Variants in TENT5D observed in about 807,000 individuals in gnomAD.
TENT5D encodes the protein terminal nucleotidyltransferase 5D.
For synonymous variants in TENT5D, 103 were observed against 100.6 expected (o/e 1.02, Z -0.15); for missense variants, 191 against 287.0 (o/e 0.67, Z 2.42).
intron 3 of TENT5D, among the ~76,000 whole-genome samples, chrX:80,401,184 C>G (rs1237818713): frequency 9.0e-6 from 1 of 111,568 alleles, no homozygotes; most frequent in Non-Finnish European, 1.9e-5. Flanking sequence ...CTATCATAAA[C>G]AGGATTATTC....
intron 3 of TENT5D, among the ~76,000 whole-genome samples, chrX:80,393,432 C>T (rs1931176156): frequency 9.0e-6 from 1 of 110,655 alleles, no homozygotes; most frequent in Admixed American, 9.6e-5. Flanking sequence ...TTTGTTATTA[C>T]ATATTACAAA....
At chrX:80,339,927 T>C (rs1030495105) in intron 2 of TENT5D, among the ~76,000 whole-genome samples, 1 of 108,669 alleles carries the variant, frequency 9.2e-6, no homozygotes, top group South Asian at 4.0e-4. Context: ...CTAAAAATCT[T>C]TGATTTTAAC....
intron 3 of TENT5D, among the ~76,000 whole-genome samples, chrX:80,345,019 C>G (rs1442157534): frequency 9.0e-6 from 1 of 111,032 alleles, no homozygotes; most frequent in Non-Finnish European, 1.9e-5. Context: ...AAAGAACACT[C>G]ACTTTTAAAA....
chrX:80,408,575 A>G (rs2147551356), intron 3 of TENT5D, among the ~76,000 whole-genome samples: 1 of 110,712 alleles, frequency 9.0e-6, no homozygotes, highest in South Asian at 3.9e-4. Context: ...GAATAGACCA[A>G]TAACACGAGC....
chrX:80,357,263 T>C (rs1930303594), intron 3 of TENT5D, among the ~76,000 whole-genome samples: 2 of 111,218 alleles, frequency 1.8e-5, no homozygotes, highest in Non-Finnish European at 3.8e-5. Context: ...TTATAATCCT[T>C]TGGGTATATA....
At chrX:80,376,555 A>C (rs1231203532) in intron 3 of TENT5D, among the ~76,000 whole-genome samples, 1 of 111,704 alleles carries the variant, frequency 9.0e-6, no homozygotes, top group Non-Finnish European at 1.9e-5. Flanking sequence ...AACTATTTTT[A>C]AATTGGCTAA....
chrX:80,380,612 C>T (rs1020381860), intron 3 of TENT5D, among the ~76,000 whole-genome samples: 3 of 111,172 alleles, frequency 2.7e-5, no homozygotes, highest in African/African-American at 6.5e-5. Flanking sequence ...TTGTAGGTCT[C>T]TAAGAACTTG....
chrX:80,392,952 T>C lies in TENT5D; in HGVS notation c.-141-45658T>C, dbSNP rs190210205. Reference sequence around the variant, plus strand: ...TCTCTTTATGCTTTCTAAAACCCAATTTACACAGTCACATATATGTCTTTA... The same window carrying C: ...TCTCTTTATGCTTTCTAAAACCCAACTTACACAGTCACATATATGTCTTTA... On this transcript the variant is annotated intron_variant, in intron 3 of 4. Transcript: ENST00000538312. Among the ~76,000 whole-genome samples, 5 of 111,961 alleles carry C rather than the reference T, an allele frequency of 4.5e-5. No homozygotes were observed. The East Asian group carries it at 1.1e-3, about 25-fold the overall frequency.
At chrX:80,442,421 G>T in intron 2 of TENT5D, 101 bp from the exon 3 acceptor site, 1 of 522,529 alleles carries the variant, frequency 1.9e-6, no homozygotes, top group Non-Finnish European at 3.1e-6. Flanking sequence ...TATTATCATG[G>T]TTTATGTTGA....
intron 3 of TENT5D, among the ~76,000 whole-genome samples, chrX:80,356,118 A>T (rs1383758835): frequency 8.9e-6 from 1 of 112,117 alleles, no homozygotes; most frequent in African/African-American, 3.2e-5. Flanking sequence ...TTTTATTCAG[A>T]GATAGAACTG....
At chrX:80,430,091 C>T (rs947881103) in intron 1 of TENT5D, among the ~76,000 whole-genome samples, 2 of 110,296 alleles carry the variant, frequency 1.8e-5, no homozygotes, top group African/African-American at 6.6e-5. Context: ...TCTCTGCTGC[C>T]TGTAGGGCTG....
chrX:80,386,016 A>C (rs769825417), intron 3 of TENT5D, among the ~76,000 whole-genome samples: 25 of 112,109 alleles, frequency 2.2e-4, no homozygotes, highest in African/African-American at 4.5e-4. Context: ...TCAGTGTGGC[A>C]ATTCCTCAGG....
chrX:80,408,373 AAAG>A (rs1161388446), intron 3 of TENT5D, among the ~76,000 whole-genome samples: 1 of 111,478 alleles, frequency 9.0e-6, no homozygotes, highest in Non-Finnish European at 1.9e-5. Flanking sequence ...ATAAAGGAAA[AAAG>A]AAGAATCAAA....
At chrX:80,366,208 AGTGT>A (rs3087109) in intron 3 of TENT5D, among the ~76,000 whole-genome samples, 26 of 98,460 alleles carry the variant, frequency 2.6e-4, no homozygotes, top group East Asian at 2.3e-3. Flanking sequence ...GAAGACAGGG[AGTGT>A]GTGTGTGTGT....
At chrX:80,359,751 G>A (rs1930367141) in intron 3 of TENT5D, among the ~76,000 whole-genome samples, 1 of 111,436 alleles carries the variant, frequency 9.0e-6, no homozygotes, top group Admixed American at 9.6e-5. Flanking sequence ...AAACCTGCAC[G>A]TTCTGCACGT....
At chrX:80,355,901 T>C (rs1048596981) in intron 3 of TENT5D, among the ~76,000 whole-genome samples, 3 of 111,489 alleles carry the variant, frequency 2.7e-5, no homozygotes, top group Middle Eastern at 4.6e-3. Flanking sequence ...TCTTGTTTAT[T>C]TACCAACTTC....
intron 3 of TENT5D, among the ~76,000 whole-genome samples, chrX:80,406,040 C>T (rs1474575008): frequency 9.2e-6 from 1 of 108,755 alleles, no homozygotes; most frequent in Non-Finnish European, 1.9e-5. Flanking sequence ...GCTGAGGGTC[C>T]TGTCTGTTAG....
intron 3 of TENT5D, among the ~76,000 whole-genome samples, chrX:80,398,444 C>T (rs1302361256): frequency 2.7e-5 from 3 of 111,399 alleles, no homozygotes; most frequent in African/African-American, 9.8e-5. Flanking sequence ...GCTTTTGTTA[C>T]CTGTATCTTG....
chrX:80,437,276 C>G (rs979525786), intron 1 of TENT5D, among the ~76,000 whole-genome samples: 1 of 111,843 alleles, frequency 8.9e-6, no homozygotes, highest in African/African-American at 3.2e-5. Context: ...GGTGAGGGAT[C>G]TTTCTGACCT....
Sources: allele counts gnomAD v4.1 joint callset (sites outside exome capture counted in the v4.1 genomes callset), GRCh38; gene constraint gnomAD v4.1.1; transcripts MANE v1.5; gene names NCBI Gene and HGNC (gene_info 2026-07-23, HGNC 2026-07-21).